ADARB2: variants seen among roughly 807,000 people sequenced by gnomAD.
The protein encoded by ADARB2 is inactive double-stranded RNA-specific editase B2.
ADARB2 carries 25 observed loss-of-function variants against 62.2 expected under a neutral mutation model. That is an observed-to-expected ratio of 0.40 (90% CI 0.29 to 0.56). The LOEUF is 0.56. Among genes scored for constraint, ADARB2 ranks in the 20% least tolerant of loss-of-function variants. ADARB2 has a pLI of 0.43. For missense variants in ADARB2, 1,071 were observed against 1,077.4 expected (o/e 0.99, Z 0.08); for synonymous variants, 572 against 500.8 (o/e 1.14, Z -1.90).
chr10:1,465,853 A>C (rs12776773), intron 1 of ADARB2, among the ~76,000 whole-genome samples: 46,563 of 151,720 alleles, frequency 0.31, 7,520 homozygotes, highest in South Asian at 0.36. Context: ...TGGCTGACTC[A>C]CTCTCCATCA....
chr10:1,635,101 G>A (rs943426642), intron 1 of ADARB2, among the ~76,000 whole-genome samples: 2 of 152,356 alleles, frequency 1.3e-5, no homozygotes, highest in East Asian at 3.9e-4. Flanking sequence ...CACTGAAAGA[G>A]TCTATGGCAT....
chr10:1,469,169 C>T (rs899299833), intron 1 of ADARB2, among the ~76,000 whole-genome samples: 2 of 151,866 alleles, frequency 1.3e-5, no homozygotes, highest in African/African-American at 4.8e-5. Context: ...GAGATGGGAA[C>T]GTTGGACTGG....
At chr10:1,589,398 C>T (rs776771232) in intron 1 of ADARB2, among the ~76,000 whole-genome samples, 49 of 151,962 alleles carry the variant, frequency 3.2e-4, no homozygotes, top group Non-Finnish European at 5.7e-4. Context: ...TCAAGGCATC[C>T]ACGGAGGGGC....
intron 1 of ADARB2, among the ~76,000 whole-genome samples, chr10:1,499,531 C>A (rs1382236267): frequency 6.6e-6 from 1 of 151,808 alleles, no homozygotes; most frequent in East Asian, 1.9e-4. Context: ...CAAACTTATT[C>A]ATCACTCGCT....
At chr10:1,420,973 CCT>C (rs1168148519) in intron 1 of ADARB2, among the ~76,000 whole-genome samples, 6 of 152,008 alleles carry the variant, frequency 3.9e-5, no homozygotes, top group African/African-American at 1.2e-4. Context: ...GGTTCTCCTT[CCT>C]CTCTCTGCTC....
chr10:1,339,223 C>A (rs1832001139), intron 3 of ADARB2, among the ~76,000 whole-genome samples: 1 of 152,228 alleles, frequency 6.6e-6, no homozygotes, highest in African/African-American at 2.4e-5. Flanking sequence ...GTTAACCCTG[C>A]CCCATGGAAA....
intron 1 of ADARB2, among the ~76,000 whole-genome samples, chr10:1,392,056 G>A (rs10903438): frequency 0.41 from 62,494 of 151,950 alleles, 15,193 homozygotes; most frequent in East Asian, 0.67. Context: ...GTGAGCCCCC[G>A]TGCCTGGTCA....
chr10:1,362,578 G>A (rs888917012), intron 3 of ADARB2, among the ~76,000 whole-genome samples: 3 of 152,124 alleles, frequency 2.0e-5, no homozygotes, highest in African/African-American at 7.2e-5. Flanking sequence ...CTCCCAGCGC[G>A]ATTCTCCCTT....
chr10:1,191,367 C>G (rs1836843588), intron 8 of ADARB2, among the ~76,000 whole-genome samples: 2 of 152,138 alleles, frequency 1.3e-5, no homozygotes, highest in Non-Finnish European at 2.9e-5. Flanking sequence ...GTGAGGGTGG[C>G]CTCCGTTGGG....
intron 1 of ADARB2, among the ~76,000 whole-genome samples, chr10:1,682,503 G>A (rs1461264253): frequency 6.6e-6 from 1 of 152,200 alleles, no homozygotes; most frequent in Non-Finnish European, 1.5e-5. Flanking sequence ...AAAGGACCAC[G>A]GGTATTGGGT....
At chr10:1,284,944 G>T (rs1375172572) in intron 3 of ADARB2, among the ~76,000 whole-genome samples, 1 of 152,150 alleles carries the variant, frequency 6.6e-6, no homozygotes, top group Non-Finnish European at 1.5e-5. Context: ...GGAAGGCATA[G>T]GTTGCCATCC....
chr10:1,693,911 T>C (rs1217670298), intron 1 of ADARB2, among the ~76,000 whole-genome samples: 1 of 152,240 alleles, frequency 6.6e-6, no homozygotes, highest in Non-Finnish European at 1.5e-5. Flanking sequence ...ACAGGAATCC[T>C]GGTCCACCCC....
At chr10:1,720,608 C>T (rs1192900950) in intron 1 of ADARB2, among the ~76,000 whole-genome samples, 1 of 152,106 alleles carries the variant, frequency 6.6e-6, no homozygotes, top group Non-Finnish European at 1.5e-5. Flanking sequence ...AATCTAGGGG[C>T]AGTCTTTATT....
At chr10:1,188,733 G>A (rs1032742094) in intron 8 of ADARB2, among the ~76,000 whole-genome samples, 6 of 152,072 alleles carry the variant, frequency 3.9e-5, no homozygotes, top group Admixed American at 2.6e-4. Context: ...GATCATGCCC[G>A]TGGAGCGGGA....
chr10:1,369,518 G>A (rs4880833), intron 2 of ADARB2, among the ~76,000 whole-genome samples: 126,204 of 152,168 alleles, frequency 0.83, 56,488 homozygotes, highest in Non-Finnish European at 0.98. Flanking sequence ...TGGCCAGCAG[G>A]GAAGATGATA....
intron 3 of ADARB2, among the ~76,000 whole-genome samples, chr10:1,302,560 C>T (rs559600950): frequency 3.0e-4 from 46 of 152,304 alleles, no homozygotes; most frequent in Non-Finnish European, 4.0e-4. Context: ...TCTGTAGGCT[C>T]CACCTCTGGG....
chr10:1,278,598 ATTC>A (rs987825995), intron 3 of ADARB2, among the ~76,000 whole-genome samples: 1 of 146,440 alleles, frequency 6.8e-6, no homozygotes, highest in Non-Finnish European at 1.5e-5. Flanking sequence ...ACATGATTTC[ATTC>A]TTTTTTTTTT....
intron 1 of ADARB2, among the ~76,000 whole-genome samples, chr10:1,511,212 G>A (rs1041125471): frequency 1.3e-5 from 2 of 152,136 alleles, no homozygotes; most frequent in African/African-American, 4.8e-5. Context: ...TCGGGTGGAT[G>A]CACTTATAAT....
At chr10:1,665,533 C>G (rs370806012) in intron 1 of ADARB2, among the ~76,000 whole-genome samples, 1 of 152,266 alleles carries the variant, frequency 6.6e-6, no homozygotes, top group African/African-American at 2.4e-5. Context: ...AGGCACCCCA[C>G]CCAGGCGGTG....
Sources: gnomAD v4.1 joint callset for allele counts (sites outside exome capture counted in the v4.1 genomes callset) on GRCh38, gnomAD v4.1.1 for gene constraint, MANE v1.5 for transcripts, NCBI Gene and HGNC (gene_info 2026-07-23, HGNC 2026-07-21) for gene names.